ASPRV1: variants seen among roughly 807,000 people sequenced by gnomAD.
ASPRV1 encodes the protein retroviral-like aspartic protease 1.
A neutral mutation model predicts 11.0 loss-of-function variants in ASPRV1; 7 were observed. The observed-to-expected ratio is 0.64, with a 90% CI of 0.36 to 1.20. The LOEUF (loss-of-function observed/expected upper bound fraction) is 1.20, where lower values mean the gene tolerates loss of function less well. Among genes scored for constraint, ASPRV1 ranks in the 50% most tolerant of loss-of-function variants. The pLI, the probability that ASPRV1 is intolerant of heterozygous loss-of-function variation, is 0.02. For synonymous variants in ASPRV1, 136 were observed against 138.4 expected (o/e 0.98, Z 0.12); for missense variants, 299 against 320.0 (o/e 0.93, Z 0.50).
the ASPRV1 span, chr2:70,087,053 C>T: frequency 6.6e-6 from 1 of 151,812 alleles, no homozygotes; most frequent in African/African-American, 2.4e-5. Context: ...CCCACACCCT[C>T]GCGCACGCGC....
At chr2:69,937,656 C>T in the ASPRV1 span, among the ~76,000 whole-genome samples, 1 of 152,152 alleles carries the variant, frequency 6.6e-6, no homozygotes, top group Non-Finnish European at 1.5e-5. Context: ...GCTCTGTCAC[C>T]CAGGCTGGAG....
chr2:69,946,049 C>T, the ASPRV1 span, among the ~76,000 whole-genome samples: 9 of 152,142 alleles, frequency 5.9e-5, no homozygotes, highest in Non-Finnish European at 1.0e-4. Context: ...GCCAGACAGC[C>T]GGGCTGGGTG....
chr2:69,966,454 G>A (rs1678343655), upstream of ASPRV1, among the ~76,000 whole-genome samples: 1 of 152,252 alleles, frequency 6.6e-6, no homozygotes, highest in Admixed American at 6.5e-5. Context: ...AAGACCCTAT[G>A]CAGATTCCCT....
At chr2:70,047,399 T>C in the ASPRV1 span, among the ~76,000 whole-genome samples, 1 of 152,138 alleles carries the variant, frequency 6.6e-6, no homozygotes, top group Non-Finnish European at 1.5e-5. Context: ...CTGTGGTGGG[T>C]TGAATTCATC....
the ASPRV1 span, among the ~76,000 whole-genome samples, chr2:70,079,515 T>C: frequency 2.0e-5 from 3 of 151,818 alleles, no homozygotes; most frequent in Non-Finnish European, 4.4e-5. Context: ...GAAAAGAGTG[T>C]AGACAGAGAA....
the ASPRV1 span, among the ~76,000 whole-genome samples, chr2:70,077,091 T>C: frequency 6.6e-6 from 1 of 152,182 alleles, no homozygotes; most frequent in Non-Finnish European, 1.5e-5. Context: ...TCACTCCTAC[T>C]ACACTGGCTC....
the ASPRV1 span, among the ~76,000 whole-genome samples, chr2:69,991,718 T>C: frequency 6.6e-6 from 1 of 152,124 alleles, no homozygotes; most frequent in African/African-American, 2.4e-5. Flanking sequence ...TGGCTAATTT[T>C]GTATTTTTAG....
chr2:69,975,030 A>C, the ASPRV1 span, among the ~76,000 whole-genome samples: 1 of 152,218 alleles, frequency 6.6e-6, no homozygotes, highest in African/African-American at 2.4e-5. Flanking sequence ...TGTGGGTCAC[A>C]CGCGACAAAC....
At chr2:69,949,302 C>G in the ASPRV1 span, among the ~76,000 whole-genome samples, 1 of 150,436 alleles carries the variant, frequency 6.6e-6, no homozygotes, top group African/African-American at 2.5e-5. Context: ...AATGAACGAA[C>G]GAATTAACAC....
At chr2:70,078,917 A>G in the ASPRV1 span, among the ~76,000 whole-genome samples, 1 of 152,252 alleles carries the variant, frequency 6.6e-6, no homozygotes, top group Non-Finnish European at 1.5e-5. Context: ...CTATTCCAGT[A>G]GCAGCAGGGC....
chr2:70,080,114 C>T, the ASPRV1 span, among the ~76,000 whole-genome samples: 1 of 152,176 alleles, frequency 6.6e-6, no homozygotes, highest in African/African-American at 2.4e-5. Context: ...ACTCAAACCT[C>T]CTAACCAGCT....
the ASPRV1 span, among the ~76,000 whole-genome samples, chr2:70,035,956 T>G: frequency 6.6e-6 from 1 of 151,946 alleles, no homozygotes; most frequent in East Asian, 2.0e-4. Flanking sequence ...ATGCTTTTAC[T>G]GTATTACTTT....
the ASPRV1 span, among the ~76,000 whole-genome samples, chr2:70,082,476 C>T: frequency 8.6e-5 from 13 of 151,672 alleles, no homozygotes; most frequent in East Asian, 2.0e-4. Flanking sequence ...TTTGGGAGGC[C>T]GGGGCAGGCA....
the ASPRV1 span, chr2:70,030,728 G>A: frequency 1.3e-5 from 2 of 152,156 alleles, no homozygotes; most frequent in South Asian, 4.1e-4. Flanking sequence ...ATGTGTATGT[G>A]TGTTGGGAGT....
chr2:70,078,938 A>C, the ASPRV1 span, among the ~76,000 whole-genome samples: 7 of 152,172 alleles, frequency 4.6e-5, no homozygotes, highest in Non-Finnish European at 8.8e-5. Flanking sequence ...AGGTGGTGGG[A>C]AGTGTTTAAA....
the ASPRV1 span, among the ~76,000 whole-genome samples, chr2:70,029,228 T>C: frequency 2.0e-5 from 3 of 152,134 alleles, no homozygotes; most frequent in African/African-American, 7.2e-5. Context: ...TGGAATAACT[T>C]TGGCCAAGGG....
At chr2:69,956,269 G>T (rs1338467346), downstream of ASPRV1, among the ~76,000 whole-genome samples, 1 of 152,002 alleles carries the variant, frequency 6.6e-6, no homozygotes, top group Non-Finnish European at 1.5e-5. Context: ...AGTAGAGAAA[G>T]CTCTTCTGTA....
chr2:70,067,008 T>C, the ASPRV1 span, among the ~76,000 whole-genome samples: 6 of 152,174 alleles, frequency 3.9e-5, no homozygotes, highest in African/African-American at 7.2e-5. Flanking sequence ...ACTAAGATGA[T>C]GATAATAACA....
the ASPRV1 span, among the ~76,000 whole-genome samples, chr2:70,084,640 AAGAAT>A: frequency 6.6e-6 from 1 of 152,202 alleles, no homozygotes; most frequent in Non-Finnish European, 1.5e-5. Context: ...TTTATATATA[AAGAAT>A]AGAAATTACC....
Sources: allele counts gnomAD v4.1 joint callset (sites outside exome capture counted in the v4.1 genomes callset), GRCh38; gene constraint gnomAD v4.1.1; transcripts MANE v1.5; gene names NCBI Gene and HGNC (gene_info 2026-07-23, HGNC 2026-07-21).